Variants in GTF3C4 observed in about 807,000 individuals in gnomAD.
The protein encoded by GTF3C4 is general transcription factor IIIC subunit 4.
In GTF3C4, 28 loss-of-function variants were observed where a neutral mutation model predicts 67.5. The ratio of observed to expected loss-of-function variants is 0.41; its 90% CI spans 0.31 to 0.57. The LOEUF is 0.57. Ranked by LOEUF, GTF3C4 falls within the 20% of genes least tolerant of loss-of-function variation. GTF3C4 has a pLI of 0.21. For synonymous variants in GTF3C4, 409 were observed against 393.0 expected, an observed-to-expected ratio of 1.04 and a Z score of -0.48; for missense variants, 831 against 1,033.2, an observed-to-expected ratio of 0.80 and a Z score of 2.68.
chr9:132,677,030 A>G (rs78446570), intron 1 of GTF3C4, among the ~76,000 whole-genome samples: 13,878 of 151,886 alleles, frequency 0.091, 842 homozygotes, highest in Admixed American at 0.17. Context: ...TAGCTTTCCT[A>G]TTTTTTTATG....
intron 1 of GTF3C4, among the ~76,000 whole-genome samples, chr9:132,676,670 C>T (rs771217625): frequency 3.8e-4 from 58 of 152,186 alleles, no homozygotes; most frequent in East Asian, 3.9e-4. Flanking sequence ...TCTGATACAT[C>T]CCCAGTTGTC....
intron 3 of GTF3C4, among the ~76,000 whole-genome samples, chr9:132,683,910 T>G (rs960872366): frequency 2.6e-5 from 4 of 152,216 alleles, no homozygotes; most frequent in African/African-American, 9.6e-5. Context: ...GCTTAATATA[T>G]AGGAGTTTTC....
Position 132,687,288 on chromosome 9 carries a change from T to C in GTF3C4, c.2365T>C (p.Leu789=). 6.7e-7 allele frequency: 1 copy of C among 1,482,126 alleles called. No homozygotes were observed. The highest frequency in any genetic ancestry group is 3.0e-5 in the East Asian group (1 of 33,766). The allele number at this position is 1,482,126 out of a possible 1,614,324, so 91.8% of individuals were successfully genotyped here. The stretch of plus-strand genomic sequence containing the variant: ...CCAGAGTTTGATATATAGAAGGTGT[T>C]TGCTCCATGACAGCATTGCCCGGCA... ...SCQSLIYRRC[L]LHDSIARHPA... Residue 789 remains leucine (L), a synonymous_variant, in exon 4 of 5, where the codon TTG becomes CTG. Coordinates refer to ENST00000372146, the MANE Select transcript of GTF3C4 (RefSeq NM_012204.4).
chr9:132,676,572 C>T (rs545991269), intron 1 of GTF3C4, among the ~76,000 whole-genome samples: 3 of 152,170 alleles, frequency 2.0e-5, no homozygotes, highest in African/African-American at 4.8e-5. Flanking sequence ...CCACCTACCT[C>T]GGCCTCCCAA....
chr9:132,670,502 C>T lies in GTF3C4; in HGVS notation c.-97C>T, dbSNP rs956785207. ...CGCTCGGGGCCTGAGGGGAGAAAAC[C>T]GCCGCGGAGGGCGCTGGGGGTGGCG... On this transcript the variant is annotated 5_prime_UTR_variant, in exon 1 of 5. Coordinates refer to ENST00000372146, the MANE Select transcript of GTF3C4 (RefSeq NM_012204.4). 9.0e-7 allele frequency: 1 copy of T among 1,107,352 alleles called. No individual in the cohort carries two copies. The highest frequency in any genetic ancestry group is 1.2e-6 in the Non-Finnish European group (1 of 830,874). 68.6% of individuals were successfully genotyped at this position (1,107,352 alleles called of 1,614,324 possible).
intron 2 of GTF3C4, among the ~76,000 whole-genome samples, chr9:132,682,680 C>G (rs1351949367): frequency 2.8e-5 from 4 of 144,992 alleles, no homozygotes; most frequent in Non-Finnish European, 6.0e-5. Context: ...TCTCGGCTCA[C>G]TGCAACCTCC....
intron 4 of GTF3C4, 32 bp downstream of exon 4, chr9:132,687,359 T>TG: frequency 1.9e-5 from 1 of 53,580 alleles, no homozygotes. Flanking sequence ...GGAGGGTGGG[T>TG]GGGTGGAACA....
rs1836140707 is a variant in GTF3C4, at chr9:132,692,934, G to C, written c.*3989G>C. 1 of 152,184 alleles carries C rather than the reference G, an allele frequency of 6.6e-6. No individual in the cohort carries two copies. Among genetic ancestry groups the C allele is most frequent in the African/African-American group, 2.4e-5 (1 of 41,444 alleles). 9.4% of individuals were successfully genotyped at this position (152,184 alleles called of 1,614,324 possible). A position where few individuals can be genotyped will look rare whatever the true frequency, so the allele number is the denominator to read the frequency against. ...TGGAGTAAAGATCTGCTTCATGTCTGCTAGCATGGTATCTGCTGTTCAACC... is the reference window on the plus strand; with the variant it reads ...TGGAGTAAAGATCTGCTTCATGTCTCCTAGCATGGTATCTGCTGTTCAACC... On this transcript the variant is annotated 3_prime_UTR_variant, in exon 5 of 5. Coordinates refer to ENST00000372146, the MANE Select transcript of GTF3C4 (RefSeq NM_012204.4).
Position 132,692,319 on chromosome 9 carries a change from A to G in GTF3C4, c.*3374A>G, listed in dbSNP as rs1032079082. 1 of 152,188 alleles carries G rather than the reference A, an allele frequency of 6.6e-6. No individual in the cohort carries two copies. The highest frequency in any genetic ancestry group is 1.5e-5 in the Non-Finnish European group (1 of 68,040). The allele number at this position is 152,188 out of a possible 1,614,324, so 9.4% of individuals were successfully genotyped here. A position where few individuals can be genotyped will look rare whatever the true frequency, so the allele number is the denominator to read the frequency against. The stretch of plus-strand genomic sequence containing the variant: ...CTTCCTAGAAGAAACTATTGGTAAT[A>G]TTTCTTTCTAAAGGTAATAGTATTA... On this transcript the variant is annotated 3_prime_UTR_variant, in exon 5 of 5. Coordinates refer to ENST00000372146, the MANE Select transcript of GTF3C4 (RefSeq NM_012204.4).
At chr9:132,671,802 A>C (rs1406398472) in intron 1 of GTF3C4, among the ~76,000 whole-genome samples, 2 of 152,182 alleles carry the variant, frequency 1.3e-5, no homozygotes, top group Non-Finnish European at 2.9e-5. Context: ...AGCAGTGTAC[A>C]AAACAGAACC....
Position 132,679,075 on chromosome 9 carries a change from G to C in GTF3C4, c.1456G>C (p.Gly486Arg). ...TCACGGGATAGCAGTGAGCCCCTGC[G>C]GTGCATACCTGGCCATCATCACCAC... Reference protein sequence around the residue: ...RTHGIAVSPCGAYLAIITTEG... With the variant: ...RTHGIAVSPCRAYLAIITTEG... Residue 486 changes from glycine (G) to arginine (R), a missense_variant, in exon 2 of 5, where the codon GGT (glycine) becomes CGT (arginine). By Grantham distance (125) the Gly-to-Arg change is moderately radical (BLOSUM62 -2). Coordinates refer to ENST00000372146, the MANE Select transcript of GTF3C4 (RefSeq NM_012204.4). The surrounding 1 kb of genome is among the most constrained non-coding windows in gnomAD (Gnocchi z 5.9). The C allele has an allele frequency of 1.2e-6, 2 of 1,614,114 alleles. No homozygotes were observed. Among genetic ancestry groups the C allele is most frequent in the Non-Finnish European group, 1.7e-6 (2 of 1,180,032 alleles).
At chr9:132,681,568 C>A (rs787472) in intron 2 of GTF3C4, among the ~76,000 whole-genome samples, 1 of 152,040 alleles carries the variant, frequency 6.6e-6, no homozygotes, top group Non-Finnish European at 1.5e-5. Flanking sequence ...CACTCCCCCC[C>A]GAACATTTTT....
At chr9:132,671,002 C>T in intron 1 of GTF3C4, 47 bp downstream of exon 1, 1 of 1,310,862 alleles carries the variant, frequency 7.6e-7, no homozygotes, top group Non-Finnish European at 1.1e-6. Flanking sequence ...GTCCCCCTCT[C>T]GCGGCCGCAT....
chr9:132,670,899 G>A lies in GTF3C4; in HGVS notation c.301G>A (p.Asp101Asn), dbSNP rs1442395106. ...LICDVHNPGQ[D>N]LVIHRTSVPA... ...CTGCGACGTGCACAACCCGGGCCAGGACCTGGTTATCCACCGCACCTCGGT... is the reference window on the plus strand; with the variant it reads ...CTGCGACGTGCACAACCCGGGCCAGAACCTGGTTATCCACCGCACCTCGGT... The change falls in exon 1 of 5, where the codon GAC (aspartate) becomes AAC (asparagine). Residue 101 changes from aspartate to asparagine, a missense_variant. By Grantham distance (23) the Asp-to-Asn change is conservative. Transcript: ENST00000372146. 1 of 1,612,512 alleles carries A rather than the reference G, an allele frequency of 6.2e-7. No individual in the cohort carries two copies. The highest frequency in any genetic ancestry group is 1.3e-5 in the African/African-American group (1 of 74,934).
chr9:132,684,812 C>T (rs941826806), intron 3 of GTF3C4, among the ~76,000 whole-genome samples: 2 of 152,164 alleles, frequency 1.3e-5, no homozygotes, highest in Non-Finnish European at 2.9e-5. Flanking sequence ...TAACACCCCA[C>T]TGACATACCT....
Position 132,679,080 on chromosome 9 carries a change from ATACC to A in GTF3C4, c.1463_1466del (p.Tyr488TrpfsTer9). ...GGATAGCAGTGAGCCCCTGCGGTGC[ATACC>A]TGGCCATCATCACCACTGAGGGCAT... On this transcript the variant is annotated frameshift_variant, in exon 2 of 5. Transcript: ENST00000372146. LOFTEE classifies it high-confidence loss of function. This position sits in a 1 kb window ranked among gnomAD's most constrained non-coding sequence, Gnocchi z 5.9. 1 of 1,614,206 alleles carries A rather than the reference ATACC, an allele frequency of 6.2e-7. No homozygotes were observed. The highest frequency in any genetic ancestry group is 2.2e-5 in the East Asian group (1 of 44,884).
At chr9:132,677,562 G>T (rs1427813151) in intron 1 of GTF3C4, among the ~76,000 whole-genome samples, 1 of 152,208 alleles carries the variant, frequency 6.6e-6, no homozygotes, top group Non-Finnish European at 1.5e-5. Context: ...AGGTGGGAAT[G>T]TTCAGGAATG....
At chr9:132,680,089 T>C (rs1459682152) in intron 2 of GTF3C4, among the ~76,000 whole-genome samples, 1 of 152,186 alleles carries the variant, frequency 6.6e-6, no homozygotes, top group African/African-American at 2.4e-5. Flanking sequence ...TGCATTTAGC[T>C]GAGTAGTATG....
At chr9:132,687,622 G>T (rs1287960092) in intron 4 of GTF3C4, among the ~76,000 whole-genome samples, 3 of 152,224 alleles carry the variant, frequency 2.0e-5, no homozygotes, top group African/African-American at 7.2e-5. Flanking sequence ...AAAAATGTCA[G>T]AGCTTGTTTC....
Sources: allele counts gnomAD v4.1 joint callset (sites outside exome capture counted in the v4.1 genomes callset), GRCh38; gene constraint gnomAD v4.1.1; non-coding constraint Gnocchi (gnomAD v3.1); transcripts MANE v1.5; gene names NCBI Gene and HGNC (gene_info 2026-07-23, HGNC 2026-07-21).